The following FOXN2 variants were observed in gnomAD, a reference collection of about 807,000 sequenced individuals.
The protein encoded by FOXN2 is forkhead box protein N2.
Under a neutral mutation model 41.2 loss-of-function variants are expected in FOXN2, and 19 were observed. That is an observed-to-expected ratio of 0.46 (90% CI 0.32 to 0.68). The LOEUF is 0.68. Ranked by LOEUF, FOXN2 falls within the 30% of genes least tolerant of loss-of-function variation. The pLI, the probability that FOXN2 is intolerant of heterozygous loss-of-function variation, is 0.03. For missense variants in FOXN2, 587 were observed against 509.4 expected, an observed-to-expected ratio of 1.15 and a Z score of -1.47; for synonymous variants, 195 against 176.8, an observed-to-expected ratio of 1.10 and a Z score of -0.82.
chr2:48,319,643 A>G (rs1669159179), intron 1 of FOXN2, among the ~76,000 whole-genome samples: 1 of 143,948 alleles, frequency 6.9e-6, no homozygotes. Flanking sequence ...AGACAGGGTC[A>G]CACTCAACCC....
At chr2:48,327,029 AG>A (rs1490295877) in intron 1 of FOXN2, among the ~76,000 whole-genome samples, 5 of 152,090 alleles carry the variant, frequency 3.3e-5, no homozygotes, top group Non-Finnish European at 5.9e-5. Flanking sequence ...GTGAAAATGG[AG>A]AAATGTGGAC....
chr2:48,316,970 T>C (rs962296003), intron 1 of FOXN2, among the ~76,000 whole-genome samples: 5 of 152,184 alleles, frequency 3.3e-5, no homozygotes, highest in Non-Finnish European at 7.3e-5. Context: ...ATTGAAGTGG[T>C]ATCTAGGCCT....
intron 6 of FOXN2, among the ~76,000 whole-genome samples, chr2:48,373,998 T>A (rs1673073830): frequency 6.7e-6 from 1 of 149,398 alleles, no homozygotes; most frequent in African/African-American, 2.5e-5. Context: ...GGGGTTGCAG[T>A]GAGCCATGAG....
chr2:48,347,730 C>T (rs1195999811), intron 3 of FOXN2, among the ~76,000 whole-genome samples: 1 of 152,014 alleles, frequency 6.6e-6, no homozygotes, highest in Non-Finnish European at 1.5e-5. Flanking sequence ...CACCTGATGC[C>T]CTATTGGATT....
chr2:48,314,116 T>C (rs1668717702), upstream of FOXN2, among the ~76,000 whole-genome samples: 1 of 152,234 alleles, frequency 6.6e-6, no homozygotes, highest in African/African-American at 2.4e-5. Context: ...TGCTTTACCG[T>C]TCCTAAAGCG....
intron 2 of FOXN2, among the ~76,000 whole-genome samples, chr2:48,337,775 AAT>A (rs1367490949): frequency 2.6e-5 from 4 of 152,206 alleles, no homozygotes; most frequent in African/African-American, 9.6e-5. Flanking sequence ...ATTTGGCAGG[AAT>A]ATATATGTTT....
In FOXN2 at chr2:48,346,384, C is replaced by A; in HGVS notation, c.170C>A (p.Thr57Lys). 1 of 1,614,182 alleles carries A rather than the reference C, an allele frequency of 6.2e-7. No individual in the cohort carries two copies. The change falls in exon 3 of 7, where the codon ACA becomes AAA. Residue 57 changes from threonine (T) to lysine (K), a missense_variant. Thr to Lys is a moderately conservative substitution (Grantham distance 78). Coordinates refer to ENST00000340553, the MANE Select transcript of FOXN2 (RefSeq NM_002158.4). ...VDSESADDELTNLNWLHESTN... is the reference protein window; with the variant it reads ...VDSESADDELKNLNWLHESTN... ...AGTGAGTCAGCAGATGATGAACTCA[C>A]AAACTTGAACTGGCTTCATGAAAGC...
intron 1 of FOXN2, among the ~76,000 whole-genome samples, chr2:48,317,326 G>A (rs924547998): frequency 2.0e-5 from 3 of 151,900 alleles, no homozygotes; most frequent in Non-Finnish European, 2.9e-5. Flanking sequence ...GGGCATGCCT[G>A]TAGTCCCAGC....
intron 3 of FOXN2, 42 bp downstream of exon 3, chr2:48,346,793 G>C (rs745628741): frequency 4.0e-6 from 6 of 1,481,804 alleles, no homozygotes; most frequent in Non-Finnish European, 5.4e-6. Context: ...GAGGTGGGGG[G>C]ACTAATTAAC....
intron 2 of FOXN2, among the ~76,000 whole-genome samples, chr2:48,330,217 T>C (rs1387262298): frequency 6.6e-6 from 1 of 152,146 alleles, no homozygotes; most frequent in Non-Finnish European, 1.5e-5. Context: ...ATGCTGTGGC[T>C]TCCAGTCTTG....
chr2:48,374,240 T>C (rs1381616956), intron 6 of FOXN2, among the ~76,000 whole-genome samples: 5 of 152,128 alleles, frequency 3.3e-5, no homozygotes, highest in African/African-American at 9.7e-5. Context: ...CAGCAAAATA[T>C]ATGACTAGGT....
chr2:48,348,816 T>C (rs1409389675), intron 3 of FOXN2, among the ~76,000 whole-genome samples: 4 of 152,250 alleles, frequency 2.6e-5, no homozygotes, highest in African/African-American at 7.2e-5. Context: ...GCATTACTGC[T>C]ACAACTTCAT....
chr2:48,371,252 G>A (rs1672876156), intron 5 of FOXN2, among the ~76,000 whole-genome samples: 1 of 152,124 alleles, frequency 6.6e-6, no homozygotes, highest in African/African-American at 2.4e-5. Flanking sequence ...ACAAAAATTA[G>A]CTGAGTGTGG....
At chr2:48,318,498 A>T (rs1048092190) in intron 1 of FOXN2, among the ~76,000 whole-genome samples, 1 of 152,194 alleles carries the variant, frequency 6.6e-6, no homozygotes, top group Non-Finnish European at 1.5e-5. Flanking sequence ...GATAAAACTG[A>T]TGACGCTTAC....
intron 5 of FOXN2, among the ~76,000 whole-genome samples, chr2:48,364,523 G>A (rs1672401574): frequency 6.6e-6 from 1 of 152,088 alleles, no homozygotes; most frequent in Admixed American, 6.5e-5. Flanking sequence ...CCAGATACTA[G>A]ATTCACACTG....
At chr2:48,367,815 A>G (rs1672627232) in intron 5 of FOXN2, among the ~76,000 whole-genome samples, 2 of 152,178 alleles carry the variant, frequency 1.3e-5, no homozygotes. Flanking sequence ...ACCAACAGGC[A>G]CAAATTAACA....
chr2:48,356,817 A>G (rs186545915), intron 3 of FOXN2, among the ~76,000 whole-genome samples: 37 of 152,302 alleles, frequency 2.4e-4, no homozygotes, highest in Admixed American at 2.4e-3. Context: ...ACCTTTTAGT[A>G]TATTCAAAAT....
intron 5 of FOXN2, among the ~76,000 whole-genome samples, chr2:48,371,024 C>G: frequency 6.6e-6 from 1 of 152,030 alleles, no homozygotes; most frequent in East Asian, 1.9e-4. Flanking sequence ...GATATATATC[C>G]AATTTCTTTT....
Position 48,346,540 on chromosome 2 carries a change from C to G in FOXN2, c.326C>G (p.Ala109Gly). The G allele has an allele frequency of 6.2e-7, 1 of 1,613,318 alleles. No individual in the cohort carries two copies. Among genetic ancestry groups the G allele is most frequent in the Middle Eastern group, 1.7e-4 (1 of 6,052 alleles). Reference sequence around the variant, plus strand: ...TACCAGAACCCAGAAAAAAAATCAGCGACTTCAAAGCCCCCATACTCCTTT... The same window carrying G: ...TACCAGAACCCAGAAAAAAAATCAGGGACTTCAAAGCCCCCATACTCCTTT... The part of the protein sequence containing the change: ...ACYQNPEKKS[A>G]TSKPPYSFSL... Residue 109 changes from alanine (A) to glycine (G), a missense_variant, in exon 3 of 7, where the codon GCG (alanine) becomes GGG (glycine). Physicochemically the swap from Ala to Gly is moderately conservative, Grantham distance 60 (BLOSUM62 0). Coordinates refer to ENST00000340553, the MANE Select transcript of FOXN2 (RefSeq NM_002158.4).
Sources: gnomAD v4.1 joint callset for allele counts (sites outside exome capture counted in the v4.1 genomes callset) on GRCh38, gnomAD v4.1.1 for gene constraint, MANE v1.5 for transcripts, NCBI Gene and HGNC (gene_info 2026-07-23, HGNC 2026-07-21) for gene names.